The following NFAT5 variants were observed in gnomAD, a reference collection of about 807,000 sequenced individuals.
The protein encoded by NFAT5 is nuclear factor of activated T-cells 5.
NFAT5 carries 31 observed loss-of-function variants against 166.5 expected under a neutral mutation model. The ratio of observed to expected loss-of-function variants is 0.19; its 90% confidence interval spans 0.14 to 0.25. The LOEUF (loss-of-function observed/expected upper bound fraction) is 0.25, where lower values mean the gene tolerates loss of function less well. NFAT5 is among the 10% of genes least tolerant of loss of function. The pLI is 1.00. For missense variants in NFAT5, 1,449 were observed against 1,821.8 expected, an observed-to-expected ratio of 0.80 and a Z score of 3.72; for synonymous variants, 612 against 639.7, an observed-to-expected ratio of 0.96 and a Z score of 0.65.
intron 10 of NFAT5, 54 bp from the exon 11 acceptor site, chr16:69,684,833 G>A (rs1285757355): frequency 1.6e-5 from 19 of 1,153,192 alleles, no homozygotes; most frequent in African/African-American, 3.1e-5. Flanking sequence ...TTTAAGATAC[G>A]AGGTTTTTAG....
At chr16:69,658,834 TAAAATA>T (rs2036003439) in intron 6 of NFAT5, among the ~76,000 whole-genome samples, 1 of 151,892 alleles carries the variant, frequency 6.6e-6, no homozygotes, top group Non-Finnish European at 1.5e-5. Context: ...CTCAAAAAAA[TAAAATA>T]AAAATATAAA....
intron 2 of NFAT5, among the ~76,000 whole-genome samples, chr16:69,585,231 G>A (rs552443590): frequency 1.3e-5 from 2 of 151,798 alleles, no homozygotes; most frequent in South Asian, 2.1e-4. Flanking sequence ...GGATGGTCTT[G>A]ATCCCCTGAC....
intron 2 of NFAT5, among the ~76,000 whole-genome samples, chr16:69,593,846 A>G (rs966434076): frequency 1.3e-5 from 2 of 152,244 alleles, no homozygotes; most frequent in East Asian, 1.9e-4. Flanking sequence ...ATTTTAACCC[A>G]TTTTCATATT....
At chr16:69,630,606 AAG>A (rs2034670888) in intron 3 of NFAT5, among the ~76,000 whole-genome samples, 1 of 152,260 alleles carries the variant, frequency 6.6e-6, no homozygotes, top group African/African-American at 2.4e-5. Context: ...CAGTAATTAA[AAG>A]AGAGGCCACG....
chr16:69,656,803 AAC>A (rs1383653238), intron 6 of NFAT5, among the ~76,000 whole-genome samples: 1 of 152,170 alleles, frequency 6.6e-6, no homozygotes, highest in African/African-American at 2.4e-5. Context: ...CTTGATGTGA[AAC>A]ACATATTGCT....
chr16:69,660,207 G>A (rs1567584357), intron 7 of NFAT5, among the ~76,000 whole-genome samples: 1 of 152,152 alleles, frequency 6.6e-6, no homozygotes, highest in Non-Finnish European at 1.5e-5. Flanking sequence ...GATCACTTCA[G>A]CCCAGGAGTT....
intron 2 of NFAT5, among the ~76,000 whole-genome samples, chr16:69,602,833 AC>A (rs2151543585): frequency 6.7e-6 from 1 of 149,696 alleles, no homozygotes; most frequent in East Asian, 2.0e-4. Context: ...TTAGTCTCGA[AC>A]TCCTGAGCTC....
At chr16:69,591,165 C>G (rs1328017548) in intron 2 of NFAT5, among the ~76,000 whole-genome samples, 5 of 152,168 alleles carry the variant, frequency 3.3e-5, no homozygotes, top group Non-Finnish European at 5.9e-5. Flanking sequence ...CGCCTGACCT[C>G]AGGTGATATG....
rs142637469 is a variant in NFAT5 at position 69,627,582 on chromosome 16, T to C, written c.253+1054T>C. ...TATAACTTCAGATATATTTCTCATA[T>C]GCATTAACCTATGTACCATTAACCT... On this transcript the variant is annotated intron_variant, in intron 3 of 14. Transcript: ENST00000349945. Among the ~76,000 whole-genome samples, 5 of 152,242 alleles carry C rather than the reference T, an allele frequency of 3.3e-5. No homozygotes were observed. In the East Asian group the frequency reaches 9.6e-4, roughly 29 times the overall value.
chr16:69,688,022 G>T (rs550052707), intron 11 of NFAT5, among the ~76,000 whole-genome samples: 2 of 150,450 alleles, frequency 1.3e-5, no homozygotes, highest in East Asian at 3.9e-4. Context: ...GTGAAACCCC[G>T]TCTCTACTAA....
At chr16:69,608,985 G>A (rs1281574971) in intron 2 of NFAT5, among the ~76,000 whole-genome samples, 2 of 151,574 alleles carry the variant, frequency 1.3e-5, no homozygotes, top group Non-Finnish European at 2.9e-5. Context: ...GCCAGGCGTG[G>A]TGGCAGGCAT....
intron 2 of NFAT5, among the ~76,000 whole-genome samples, chr16:69,569,682 A>G (rs1404392732): frequency 2.0e-5 from 3 of 152,228 alleles, no homozygotes; most frequent in Admixed American, 2.0e-4. Context: ...TGTGTATTAA[A>G]TTGCCTAGCA....
intron 4 of NFAT5, chr16:69,648,517 G>C: frequency 1.0e-6 from 1 of 984,988 alleles, no homozygotes; most frequent in Non-Finnish European, 1.2e-6. Context: ...GATGAAACAG[G>C]ATCATGGTAC....
intron 10 of NFAT5, among the ~76,000 whole-genome samples, chr16:69,678,301 A>G (rs182141368): frequency 0.043 from 6,554 of 150,790 alleles, 485 homozygotes; most frequent in African/African-American, 0.15. Flanking sequence ...TGCAACCTCC[A>G]CCTCCTGGGT....
intron 2 of NFAT5, among the ~76,000 whole-genome samples, chr16:69,581,384 A>G (rs955666214): frequency 2.6e-5 from 4 of 152,204 alleles, no homozygotes; most frequent in Admixed American, 2.0e-4. Flanking sequence ...TGTCATGAAC[A>G]ATGCTGCTGT....
intron 3 of NFAT5, among the ~76,000 whole-genome samples, chr16:69,636,287 C>T (rs2034963015): frequency 6.6e-6 from 1 of 152,162 alleles, no homozygotes; most frequent in Admixed American, 6.5e-5. Context: ...TCCCTTCCAG[C>T]TGCTTTCATG....
In NFAT5 at chr16:69,566,954, A is replaced by T. The variant is rs1478619119; in HGVS notation, c.73+580A>T. Among the ~76,000 whole-genome samples, 1 of 151,956 alleles carries T rather than the reference A, an allele frequency of 6.6e-6. No homozygotes were observed. The highest frequency in any genetic ancestry group is 2.1e-4 in the South Asian group (1 of 4,814). On this transcript the variant is annotated intron_variant, in intron 1 of 14. Transcript: ENST00000349945. This position sits in a 1 kb window ranked among gnomAD's most constrained non-coding sequence, Gnocchi z 5.7. ...CATGTTGGGACAGCCCCCCTCGACC[A>T]GGCGTTCTTCCTTTCCTCGTCATCT...
intron 7 of NFAT5, among the ~76,000 whole-genome samples, chr16:69,669,406 G>A (rs964679408): frequency 5.9e-5 from 9 of 152,104 alleles, no homozygotes; most frequent in African/African-American, 1.2e-4. Context: ...TTAGCTGGGC[G>A]TGGTAGTGTG....
chr16:69,654,870 G>T (rs777187935), intron 5 of NFAT5, among the ~76,000 whole-genome samples: 2 of 152,136 alleles, frequency 1.3e-5, no homozygotes, highest in Non-Finnish European at 2.9e-5. Flanking sequence ...AATTTACTTT[G>T]TGATTTTCTG....
Sources: allele counts gnomAD v4.1 joint callset (sites outside exome capture counted in the v4.1 genomes callset), GRCh38; gene constraint gnomAD v4.1.1; non-coding constraint Gnocchi (gnomAD v3.1); transcripts MANE v1.5; gene names NCBI Gene and HGNC (gene_info 2026-07-23, HGNC 2026-07-21).